SMARCA5: variants seen among roughly 807,000 people sequenced by gnomAD.
SMARCA5 encodes the protein SWI/SNF-related matrix-associated actin-dependent regulator of chromatin subfamily A member 5.
SMARCA5 carries 18 observed loss-of-function variants against 140.4 expected under a neutral mutation model. The ratio of observed to expected loss-of-function variants is 0.13; its 90% CI spans 0.09 to 0.19. The LOEUF is 0.19. Ranked by LOEUF, SMARCA5 falls within the 10% of genes least tolerant of loss-of-function variation. SMARCA5 has a pLI of 1.00. For missense variants in SMARCA5, 606 were observed against 1,276.8 expected, an observed-to-expected ratio of 0.47 and a Z score of 8.01; for synonymous variants, 449 against 419.6, an observed-to-expected ratio of 1.07 and a Z score of -0.86.
At chr4:143,526,589 C>CA in intron 6 of SMARCA5, 129 bp downstream of exon 6, 1 of 657,814 alleles carries the variant, frequency 1.5e-6, no homozygotes. Flanking sequence ...ACAAATGTAG[C>CA]ATTGTCTTGG....
chr4:143,527,761 C>G (rs1737104122), intron 6 of SMARCA5, 107 bp from the exon 7 acceptor site: 2 of 922,798 alleles, frequency 2.2e-6, no homozygotes, highest in African/African-American at 3.4e-5. Flanking sequence ...CTACTCTACT[C>G]CTTTTTAGTA....
At chr4:143,526,132 C>A (rs1004685128) in intron 5 of SMARCA5, 149 bp from the exon 6 acceptor site, 10 of 658,198 alleles carry the variant, frequency 1.5e-5, no homozygotes, top group Admixed American at 2.9e-5. Context: ...ATAACACTTA[C>A]AAACTTTGAT....
intron 23 of SMARCA5, among the ~76,000 whole-genome samples, chr4:143,550,859 T>C (rs1443781175): frequency 6.6e-6 from 1 of 152,146 alleles, no homozygotes; most frequent in African/African-American, 2.4e-5. Flanking sequence ...TTCCAAATCA[T>C]GGCTACTGTG....
chr4:143,524,434 A>G lies in SMARCA5; in HGVS notation c.487A>G (p.Asn163Asp). ...ATTAACAGAAAGCTCCAAAGCAACC[A>G]ATGTTTGCACTCGATTTGAAGACTC... ...ELLTESSKAT[N>D]VCTRFEDSPS... is the part of the protein sequence containing the mutation. Residue 163 changes from asparagine (N) to aspartate (D), a missense_variant, in exon 4 of 24, where the codon AAT (asparagine) becomes GAT (aspartate). This residue lies in a region of SMARCA5 where 110 missense variants were observed against 287.7 expected (regional missense o/e 0.38). Coordinates refer to ENST00000283131, the MANE Select transcript of SMARCA5 (RefSeq NM_003601.4). 6.2e-7 allele frequency: 1 copy of G among 1,613,154 alleles called. No homozygotes were observed. Among genetic ancestry groups the G allele is most frequent in the Non-Finnish European group, 8.5e-7 (1 of 1,179,408 alleles).
At chr4:143,544,612 A>G (rs1472823414) in intron 16 of SMARCA5, 125 bp from the exon 17 acceptor site, 1 of 585,258 alleles carries the variant, frequency 1.7e-6, no homozygotes, top group African/African-American at 1.9e-5. Context: ...CATAGTCTCC[A>G]CCCTCATAGA....
chr4:143,552,545 A>AGTGT (rs1223381739), intron 23 of SMARCA5, among the ~76,000 whole-genome samples: 1 of 152,060 alleles, frequency 6.6e-6, no homozygotes, highest in East Asian at 1.9e-4. Flanking sequence ...GTAAATGTCA[A>AGTGT]GTGTGTACAC....
intron 23 of SMARCA5, 47 bp downstream of exon 23, chr4:143,550,151 C>A: frequency 1.8e-6 from 2 of 1,119,214 alleles, no homozygotes; most frequent in South Asian, 2.9e-5. Flanking sequence ...TAAATTTCCC[C>A]TTTCTAAGTA....
chr4:143,517,264 AT>A (rs1736860052), intron 1 of SMARCA5, 90 bp from the exon 2 acceptor site: 1 of 825,102 alleles, frequency 1.2e-6, no homozygotes, highest in South Asian at 1.8e-5. Context: ...AGAATGTATT[AT>A]TTAAGATGTG....
chr4:143,536,599 T>C lies in SMARCA5; in HGVS notation c.1416T>C (p.Tyr472=). ...ATGGAGCAGAACCTGGTCCACCTTA[T>C]ACAACAGATATGCATCTAGTAACCA... The part of the protein sequence containing the change: ...LFDGAEPGPP[Y]TTDMHLVTNS... The change falls in exon 11 of 24, where the codon TAT becomes TAC. Residue 472 remains tyrosine (Y), a synonymous_variant. Transcript: ENST00000283131. 2 of 1,613,878 alleles carry C rather than the reference T, an allele frequency of 1.2e-6. No individual in the cohort carries two copies. Among genetic ancestry groups the C allele is most frequent in the Non-Finnish European group, 1.7e-6 (2 of 1,179,838 alleles).
intron 6 of SMARCA5, 96 bp downstream of exon 6, chr4:143,526,556 G>A: frequency 1.3e-6 from 1 of 775,796 alleles, no homozygotes; most frequent in Non-Finnish European, 2.1e-6. Context: ...AATGAGACGG[G>A]ATCTTCGCAA....
chr4:143,524,237 C>T, intron 3 of SMARCA5, 130 bp from the exon 4 acceptor site: 1 of 551,920 alleles, frequency 1.8e-6, no homozygotes, highest in South Asian at 2.9e-5. Context: ...TTTCTACTGT[C>T]CACTGGTTGA....
At chr4:143,544,272 A>C (rs1737481316) in intron 16 of SMARCA5, 1 of 195,010 alleles carries the variant, frequency 5.1e-6, no homozygotes, top group African/African-American at 2.3e-5. Context: ...TTTAAACAGC[A>C]GAATTGGCTG....
At chr4:143,551,337 C>G (rs1231650954) in intron 23 of SMARCA5, among the ~76,000 whole-genome samples, 2 of 152,144 alleles carry the variant, frequency 1.3e-5, no homozygotes, top group African/African-American at 4.8e-5. Context: ...GGGTAGTTTG[C>G]AAATATTTTC....
intron 1 of SMARCA5, chr4:143,514,595 A>T (rs1011337175): frequency 1.3e-5 from 2 of 155,144 alleles, no homozygotes; most frequent in Non-Finnish European, 2.9e-5. Flanking sequence ...CGGTCCTTGC[A>T]GGGGCGGTAT....
intron 14 of SMARCA5, among the ~76,000 whole-genome samples, chr4:143,541,062 T>G (rs1453240363): frequency 6.6e-6 from 1 of 152,120 alleles, no homozygotes; most frequent in Non-Finnish European, 1.5e-5. Flanking sequence ...GAGGGAGAGA[T>G]GAAGTAAACA....
intron 9 of SMARCA5, among the ~76,000 whole-genome samples, chr4:143,531,433 A>G (rs969518542): frequency 6.6e-6 from 1 of 152,226 alleles, no homozygotes; most frequent in Non-Finnish European, 1.5e-5. Flanking sequence ...TGTTATATAA[A>G]GCCCTTAATG....
At chr4:143,547,593 A>G in intron 21 of SMARCA5, 90 bp downstream of exon 21, 3 of 732,704 alleles carry the variant, frequency 4.1e-6, no homozygotes, top group Admixed American at 4.7e-5. Context: ...GAAAAGAAGT[A>G]AGGGTTTACA....
In SMARCA5 at chr4:143,545,985, A is replaced by G; in HGVS notation, c.2458A>G (p.Ile820Val). Residue 820 changes from isoleucine to valine, a missense_variant, in exon 19 of 24, where the codon ATT becomes GTT. Ile to Val is a conservative substitution (Grantham distance 29). Around this residue, in one of 10 missense-constraint regions of SMARCA5, gnomAD observed 121 missense variants for 227.1 expected, o/e 0.53. Coordinates refer to ENST00000283131, the MANE Select transcript of SMARCA5 (RefSeq NM_003601.4). ...AQAQKEEQLK[I>V]DEAESLNDEE... ...GGCACAAAAAGAAGAACAGCTTAAA[A>G]TTGATGAAGCTGAATCCCTTAATGA... The G allele has an allele frequency of 6.2e-7, 1 of 1,608,608 alleles. No homozygotes were observed. Among genetic ancestry groups the G allele is most frequent in the Non-Finnish European group, 8.5e-7 (1 of 1,175,846 alleles).
intron 11 of SMARCA5, among the ~76,000 whole-genome samples, chr4:143,537,179 G>A (rs574130215): frequency 1.3e-5 from 2 of 152,122 alleles, no homozygotes; most frequent in African/African-American, 4.8e-5. Context: ...TAAATTACAC[G>A]AATGCAGAAA....
Sources: gnomAD v4.1 joint callset for allele counts (sites outside exome capture counted in the v4.1 genomes callset) on GRCh38, gnomAD v4.1.1 for gene constraint, gnomAD v4.1.1 regional missense constraint, MANE v1.5 for transcripts, NCBI Gene and HGNC (gene_info 2026-07-23, HGNC 2026-07-21) for gene names.